The following ADAMTS12 variants were observed in gnomAD, a reference collection of about 807,000 sequenced individuals.
ADAMTS12 encodes A disintegrin and metalloproteinase with thrombospondin motifs 12.
A neutral mutation model predicts 167.8 loss-of-function variants in ADAMTS12; 118 were observed. The ratio of observed to expected loss-of-function variants is 0.70; its 90% CI spans 0.61 to 0.82. The LOEUF (loss-of-function observed/expected upper bound fraction) is 0.82. Among genes scored for constraint, ADAMTS12 ranks in the 40% least tolerant of loss-of-function variants. ADAMTS12 has a pLI of 0.00. For missense variants in ADAMTS12, 1,916 were observed against 1,998.8 expected (o/e 0.96, Z 0.79); for synonymous variants, 704 against 716.9 (o/e 0.98, Z 0.29).
intron 16 of ADAMTS12, among the ~76,000 whole-genome samples, chr5:33,602,413 A>G (rs1738234555): frequency 6.6e-6 from 1 of 152,240 alleles, no homozygotes. Flanking sequence ...TAGAGTATCC[A>G]TCTCTCAATT....
chr5:33,808,804 T>C (rs1747335822), intron 2 of ADAMTS12, among the ~76,000 whole-genome samples: 1 of 152,158 alleles, frequency 6.6e-6, no homozygotes, highest in South Asian at 2.1e-4. Flanking sequence ...CCCAAGGAGA[T>C]TAAAAGTCTT....
intron 16 of ADAMTS12, among the ~76,000 whole-genome samples, chr5:33,597,227 G>T (rs1367398800): frequency 1.3e-5 from 2 of 152,334 alleles, no homozygotes; most frequent in South Asian, 4.1e-4. Context: ...GACTGTCATG[G>T]ACTGAAGTGA....
chr5:33,856,769 C>T (rs935785121), intron 2 of ADAMTS12, among the ~76,000 whole-genome samples: 7 of 152,054 alleles, frequency 4.6e-5, no homozygotes, highest in African/African-American at 7.2e-5. Flanking sequence ...GGCCATGATG[C>T]GAAGAAAAGA....
chr5:33,716,033 A>G (rs1424453062), intron 3 of ADAMTS12, among the ~76,000 whole-genome samples: 1 of 152,220 alleles, frequency 6.6e-6, no homozygotes, highest in Non-Finnish European at 1.5e-5. Flanking sequence ...TGTCCAGTAG[A>G]TAAGATGCTA....
At chr5:33,773,399 G>T (rs899807108) in intron 2 of ADAMTS12, among the ~76,000 whole-genome samples, 3 of 152,144 alleles carry the variant, frequency 2.0e-5, no homozygotes, top group Non-Finnish European at 4.4e-5. Flanking sequence ...GGCTGCGGAT[G>T]AGTGCACTAT....
At chr5:33,767,120 T>A (rs1745562029) in intron 2 of ADAMTS12, among the ~76,000 whole-genome samples, 1 of 152,210 alleles carries the variant, frequency 6.6e-6, no homozygotes, top group Admixed American at 6.5e-5. Flanking sequence ...AAAAATGTGT[T>A]ACATTTTTAA....
intron 3 of ADAMTS12, among the ~76,000 whole-genome samples, chr5:33,689,819 A>T (rs897662602): frequency 5.3e-5 from 8 of 152,162 alleles, no homozygotes; most frequent in Non-Finnish European, 1.2e-4. Context: ...TTGAATTCCT[A>T]TTTTTTTAAG....
At chr5:33,706,819 T>C (rs935568156) in intron 3 of ADAMTS12, among the ~76,000 whole-genome samples, 2 of 152,124 alleles carry the variant, frequency 1.3e-5, no homozygotes, top group Admixed American at 1.3e-4. Flanking sequence ...TAATAAGAGC[T>C]ACTTATGACA....
chr5:33,836,996 G>T (rs78445327), intron 2 of ADAMTS12, among the ~76,000 whole-genome samples: 1 of 152,058 alleles, frequency 6.6e-6, no homozygotes, highest in East Asian at 1.9e-4. Context: ...CAATCTTCCT[G>T]CCTGGGCCTT....
At chr5:33,774,766 C>A (rs1383147042) in intron 2 of ADAMTS12, among the ~76,000 whole-genome samples, 1 of 152,180 alleles carries the variant, frequency 6.6e-6, no homozygotes, top group African/African-American at 2.4e-5. Context: ...ATCCCAGTAG[C>A]CTGTCTTTCA....
intron 3 of ADAMTS12, among the ~76,000 whole-genome samples, chr5:33,691,572 C>T (rs537878166): frequency 1.3e-5 from 2 of 152,122 alleles, no homozygotes; most frequent in African/African-American, 4.8e-5. Flanking sequence ...TTAAATAGAG[C>T]CACTAGGGAA....
chr5:33,793,517 G>A (rs933030254), intron 2 of ADAMTS12, among the ~76,000 whole-genome samples: 4 of 152,250 alleles, frequency 2.6e-5, no homozygotes, highest in Admixed American at 6.5e-5. Flanking sequence ...TATAAATATC[G>A]ACATAAATGG....
chr5:33,597,392 G>C (rs1230434685), intron 16 of ADAMTS12, among the ~76,000 whole-genome samples: 2 of 152,192 alleles, frequency 1.3e-5, no homozygotes, highest in Non-Finnish European at 2.9e-5. Flanking sequence ...AGGATGTCTA[G>C]ACCTTGTGTG....
chr5:33,576,912 A>G lies in ADAMTS12; in HGVS notation c.3114T>C (p.Pro1038=). ...CTGGAGTGCTTGTGCTCATAGACTC[A>G]GGCCCTGTGGGTGTGGTCAGCATTC... ...RPRMLTTPTG[P]ESMSTSTPAI... is the part of the protein sequence containing the mutation. The change falls in exon 19 of 24, where the codon CCT becomes CCC. Residue 1038 remains proline (P), a synonymous_variant. Transcript: ENST00000504830. 1 of 1,614,150 alleles carries G rather than the reference A, an allele frequency of 6.2e-7. No individual in the cohort carries two copies. Among genetic ancestry groups the G allele is most frequent in the Non-Finnish European group, 8.5e-7 (1 of 1,180,010 alleles).
intron 2 of ADAMTS12, among the ~76,000 whole-genome samples, chr5:33,811,738 C>T (rs1032273844): frequency 2.0e-5 from 3 of 152,176 alleles, no homozygotes; most frequent in African/African-American, 7.2e-5. Flanking sequence ...GGACATCTGA[C>T]TGTGGCACCA....
rs554076900 is a variant in ADAMTS12 at position 33,874,931 on chromosome 5, T to G, written c.489+6188A>C. 4.6e-5 allele frequency among the ~76,000 whole-genome samples: 7 copies of G among 152,094 alleles called. No individual in the cohort carries two copies. In the East Asian group the frequency reaches 9.7e-4, roughly 21 times the overall value. The stretch of plus-strand genomic sequence containing the variant: ...AAAAATACAAAAATTAGCTGGGCAT[T>G]GTGGCACGTGCCTATAATCCTGGCT... On this transcript the variant is annotated intron_variant, in intron 2 of 23. Transcript: ENST00000504830.
chr5:33,724,490 T>G (rs955575154), intron 3 of ADAMTS12, among the ~76,000 whole-genome samples: 1 of 152,060 alleles, frequency 6.6e-6, no homozygotes, highest in Non-Finnish European at 1.5e-5. Flanking sequence ...ACACTGTTAC[T>G]GAAGAACAAG....
chr5:33,708,029 AT>A (rs1382708213), intron 3 of ADAMTS12, among the ~76,000 whole-genome samples: 1 of 152,132 alleles, frequency 6.6e-6, no homozygotes. Flanking sequence ...ATGGGAGAAA[AT>A]TTTTGCAATC....
intron 20 of ADAMTS12, among the ~76,000 whole-genome samples, chr5:33,558,062 T>C (rs1297935794): frequency 6.6e-6 from 1 of 152,000 alleles, no homozygotes; most frequent in Non-Finnish European, 1.5e-5. Flanking sequence ...TTTGGTGAGT[T>C]TTATAATTAT....
Sources: gnomAD v4.1 joint callset for allele counts (sites outside exome capture counted in the v4.1 genomes callset) on GRCh38, gnomAD v4.1.1 for gene constraint, MANE v1.5 for transcripts, NCBI Gene and HGNC (gene_info 2026-07-23, HGNC 2026-07-21) for gene names.